SCFD1: variants seen among roughly 807,000 people sequenced by gnomAD.
SCFD1 encodes the protein sec1 family domain containing 1, also known as sec1 family domain-containing protein 1.
In SCFD1, 37 loss-of-function variants were observed where a neutral mutation model predicts 103.2. The ratio of observed to expected loss-of-function variants is 0.36; its 90% confidence interval spans 0.28 to 0.47. SCFD1 has a LOEUF of 0.47. SCFD1 is among the 20% of genes least tolerant of loss of function. The pLI is 1.00. For synonymous variants in SCFD1, 264 were observed against 245.0 expected (o/e 1.08, Z -0.73); for missense variants, 639 against 761.2 (o/e 0.84, Z 1.89).
At chr14:30,695,409 C>G (rs1030783692) in intron 15 of SCFD1, among the ~76,000 whole-genome samples, 10 of 151,936 alleles carry the variant, frequency 6.6e-5, no homozygotes, top group African/African-American at 2.4e-4. Flanking sequence ...CAAAAGAAGC[C>G]AGGCGCAGAA....
chr14:30,672,082 A>G (rs1423967234), intron 11 of SCFD1, among the ~76,000 whole-genome samples: 1 of 152,134 alleles, frequency 6.6e-6, no homozygotes, highest in African/African-American at 2.4e-5. Flanking sequence ...AAATCACTTA[A>G]TAAATGTGAG....
At chr14:30,693,831 C>T (rs1160637581) in intron 14 of SCFD1, among the ~76,000 whole-genome samples, 1 of 152,070 alleles carries the variant, frequency 6.6e-6, no homozygotes, top group Non-Finnish European at 1.5e-5. Context: ...TTTCTACTCC[C>T]ACTTGATTAT....
chr14:30,655,140 A>G (rs1187164023), intron 10 of SCFD1, among the ~76,000 whole-genome samples: 1 of 152,244 alleles, frequency 6.6e-6, no homozygotes, highest in Non-Finnish European at 1.5e-5. Flanking sequence ...AGATACCCTG[A>G]AAGACAGTAA....
chr14:30,626,120 T>C (rs1324727387), intron 1 of SCFD1, among the ~76,000 whole-genome samples: 1 of 152,060 alleles, frequency 6.6e-6, no homozygotes, highest in East Asian at 1.9e-4. Context: ...TCCTGTGTTA[T>C]TTCAGTTTTA....
chr14:30,666,643 A>T (rs1036254518), intron 10 of SCFD1, among the ~76,000 whole-genome samples: 2 of 152,188 alleles, frequency 1.3e-5, no homozygotes, highest in Non-Finnish European at 2.9e-5. Context: ...AACAAAATTG[A>T]TAGACTGCTA....
At chr14:30,638,471 CAG>C (rs1265299239) in intron 5 of SCFD1, among the ~76,000 whole-genome samples, 1 of 152,046 alleles carries the variant, frequency 6.6e-6, no homozygotes, top group Non-Finnish European at 1.5e-5. Context: ...ATTTGAAAGA[CAG>C]AAATAAAAAG....
intron 18 of SCFD1, chr14:30,707,750 AT>A: frequency 2.0e-6 from 1 of 504,434 alleles, no homozygotes; most frequent in East Asian, 4.3e-5. Flanking sequence ...TTATTTTTGT[AT>A]TTTTTAATAA....
At chr14:30,719,696 G>A (rs73254568) in intron 21 of SCFD1, among the ~76,000 whole-genome samples, 2,525 of 151,990 alleles carry the variant, frequency 0.017, 92 homozygotes, top group African/African-American at 0.057. Flanking sequence ...ATTCTTATTG[G>A]ACCAATTGAA....
At chr14:30,695,767 G>A (rs780604400) in intron 15 of SCFD1, among the ~76,000 whole-genome samples, 1 of 152,076 alleles carries the variant, frequency 6.6e-6, no homozygotes, top group African/African-American at 2.4e-5. Flanking sequence ...AGCTACTTGG[G>A]AGACTGAGGT....
At position 30,673,975 on chromosome 14, in the gene SCFD1, G is replaced by A. The variant is rs192002440; in HGVS notation, c.1138G>A (p.Ala380Thr). Residue 380 changes from alanine (A) to threonine (T), a missense_variant, in exon 13 of 25, where the codon GCT becomes ACT. Ala to Thr is a moderately conservative substitution (Grantham distance 58, BLOSUM62 0). Transcript: ENST00000458591. ...GAISMLSDNT[A>T]KLTSAVSSLP... ...CATAAGTATGCTTTCTGACAATACCGCTAAGCTAACATCAGCTGTTAGGTA... is the reference window on the plus strand; with the variant it reads ...CATAAGTATGCTTTCTGACAATACCACTAAGCTAACATCAGCTGTTAGGTA... 76 of 1,613,122 alleles carry A rather than the reference G, an allele frequency of 4.7e-5. No individual in the cohort carries two copies. In the East Asian group the frequency reaches 1.2e-3, roughly 26 times the overall value.
intron 6 of SCFD1, 28 bp downstream of exon 6, chr14:30,639,892 CT>C: frequency 6.4e-7 from 1 of 1,559,268 alleles, no homozygotes; most frequent in Non-Finnish European, 8.7e-7. Context: ...TGTTGCAATT[CT>C]TTGTTAACAA....
chr14:30,647,423 T>C (rs527398359), intron 7 of SCFD1, among the ~76,000 whole-genome samples: 1 of 152,146 alleles, frequency 6.6e-6, no homozygotes, highest in South Asian at 2.1e-4. Context: ...CTCAGTAATT[T>C]TCCTGTTTTC....
chr14:30,728,241 C>T (rs1893191092), intron 23 of SCFD1, among the ~76,000 whole-genome samples: 1 of 152,182 alleles, frequency 6.6e-6, no homozygotes, highest in African/African-American at 2.4e-5. Context: ...GCAACTCTGT[C>T]TCTCATTACC....
chr14:30,690,404 C>A (rs1220926165), intron 14 of SCFD1, among the ~76,000 whole-genome samples: 1 of 89,248 alleles, frequency 1.1e-5, no homozygotes, highest in East Asian at 4.1e-4. Flanking sequence ...GCGCCCCTCC[C>A]CCAGCCTCGC....
At chr14:30,630,852 C>A in intron 3 of SCFD1, 1 of 293,014 alleles carries the variant, frequency 3.4e-6, no homozygotes, top group East Asian at 8.7e-5. Context: ...TGTTTTGTTC[C>A]TTTAATTTAA....
rs71415948 is a variant in SCFD1, at chr14:30,645,871, G to A, written c.613+2466G>A. On this transcript the variant is annotated intron_variant, in intron 7 of 24. Coordinates refer to ENST00000458591, the MANE Select transcript of SCFD1 (RefSeq NM_016106.4). ...CGACTTCCAGTACTATGTTAAATGG[G>A]AATGGGTGTCCTTGTCTTATTCAAG... Among the ~76,000 whole-genome samples, 776 of 152,268 alleles carry A rather than the reference G, an allele frequency of 5.1e-3. 2 individuals are homozygous for A. The highest frequency in any genetic ancestry group is 0.012 in the Admixed American group (181 of 15,294).
At chr14:30,671,258 T>A (rs1888512907) in intron 11 of SCFD1, among the ~76,000 whole-genome samples, 1 of 152,148 alleles carries the variant, frequency 6.6e-6, no homozygotes, top group African/African-American at 2.4e-5. Context: ...TAACAAAGAT[T>A]TGACTTTCTC....
chr14:30,722,200 A>G (rs1353599615), intron 22 of SCFD1, among the ~76,000 whole-genome samples: 3 of 152,300 alleles, frequency 2.0e-5, no homozygotes, highest in East Asian at 1.9e-4. Flanking sequence ...TGAAGATACT[A>G]TGACTGTTTT....
At chr14:30,638,871 A>C (rs1405813132) in intron 5 of SCFD1, among the ~76,000 whole-genome samples, 1 of 152,210 alleles carries the variant, frequency 6.6e-6, no homozygotes, top group African/African-American at 2.4e-5. Context: ...TTAAAGTTCC[A>C]GACAACTATC....
Sources: gnomAD v4.1 joint callset for allele counts (sites outside exome capture counted in the v4.1 genomes callset) on GRCh38, gnomAD v4.1.1 for gene constraint, MANE v1.5 for transcripts, NCBI Gene and HGNC (gene_info 2026-07-23, HGNC 2026-07-21) for gene names.